Variants in RALA observed in about 807,000 individuals in gnomAD.
RALA encodes RAS like proto-oncogene A.
RALA carries 5 observed loss-of-function variants against 24.0 expected under a neutral mutation model. The observed-to-expected ratio is 0.21, with a 90% CI of 0.11 to 0.44. The LOEUF (loss-of-function observed/expected upper bound fraction) is 0.44. Ranked by LOEUF, RALA falls within the 20% of genes least tolerant of loss-of-function variation. The probability of loss-of-function intolerance (pLI) is 0.99; values close to 1 mark genes in which losing one functional copy is unlikely to be tolerated. For missense variants in RALA, 95 were observed against 241.2 expected (o/e 0.39, Z 4.01); for synonymous variants, 77 against 83.8 (o/e 0.92, Z 0.44).
intron 1 of RALA, among the ~76,000 whole-genome samples, chr7:39,675,104 G>T (rs1792456315): frequency 1.3e-5 from 2 of 152,144 alleles, no homozygotes; most frequent in African/African-American, 4.8e-5. Flanking sequence ...GGGATTACAG[G>T]CGTGAGCCAG....
At chr7:39,643,937 G>A (rs1387358866) in intron 1 of RALA, among the ~76,000 whole-genome samples, 1 of 152,136 alleles carries the variant, frequency 6.6e-6, no homozygotes, top group Non-Finnish European at 1.5e-5. Flanking sequence ...CCACATTACA[G>A]GGCTATTGAA....
At chr7:39,647,103 C>T (rs1791938949) in intron 1 of RALA, among the ~76,000 whole-genome samples, 1 of 152,150 alleles carries the variant, frequency 6.6e-6, no homozygotes. Flanking sequence ...AGTGCAGTGG[C>T]ACAGTCATGG....
rs114626267 is a variant in RALA at position 39,648,997 on chromosome 7, C to T, written c.-38+25172C>T. On this transcript the variant is annotated intron_variant, in intron 1 of 4. Coordinates refer to ENST00000005257, the MANE Select transcript of RALA (RefSeq NM_005402.4). ...ATCGCTTGAGCCCAGGAGATCAAGG[C>T]TGTGCTGAGCTGTGATCATGCCGTT... 4.5e-3 allele frequency among the ~76,000 whole-genome samples: 681 copies of T among 152,212 alleles called. 5 individuals are homozygous for T. Among genetic ancestry groups the T allele is most frequent in the African/African-American group, 0.016 (645 of 41,538 alleles).
chr7:39,643,868 TAAAG>T (rs1252583292), intron 1 of RALA, among the ~76,000 whole-genome samples: 3 of 151,522 alleles, frequency 2.0e-5, no homozygotes, highest in Admixed American at 6.6e-5. Context: ...TCAAAAGAAA[TAAAG>T]AGAGAAAGAA....
At chr7:39,692,332 G>A (rs1357730941) in intron 3 of RALA, among the ~76,000 whole-genome samples, 2 of 151,988 alleles carry the variant, frequency 1.3e-5, no homozygotes, top group Non-Finnish European at 2.9e-5. Flanking sequence ...AGTATCCCCA[G>A]TACCTATATA....
intron 1 of RALA, among the ~76,000 whole-genome samples, chr7:39,657,411 A>C (rs993530137): frequency 1.3e-5 from 2 of 152,158 alleles, no homozygotes; most frequent in African/African-American, 4.8e-5. Context: ...CATTATGTTT[A>C]CTTTTAAAAA....
In RALA at chr7:39,706,221, C is replaced by T. The variant is rs1347716090; in HGVS notation, c.597C>T (p.Ile199=). 1.2e-6 allele frequency: 2 copies of T among 1,608,790 alleles called. No individual in the cohort carries two copies. Among genetic ancestry groups the T allele is most frequent in the South Asian group, 2.2e-5 (2 of 90,022 alleles). ...AGAGGAAAAGTTTAGCCAAGAGAAT[C>T]AGAGAAAGATGCTGCATTTTATAAT... ...KKKRKSLAKR[I]RERCCIL Residue 199 remains isoleucine (I), a synonymous_variant, in exon 5 of 5, where the codon ATC becomes ATT. Transcript: ENST00000005257.
At chr7:39,632,063 T>A (rs963239648) in intron 1 of RALA, among the ~76,000 whole-genome samples, 1 of 152,178 alleles carries the variant, frequency 6.6e-6, no homozygotes, top group Admixed American at 6.5e-5. Context: ...TGTGAACTAA[T>A]AGAGTAAGAA....
chr7:39,669,319 T>C (rs1273647715), intron 1 of RALA, among the ~76,000 whole-genome samples: 1 of 152,042 alleles, frequency 6.6e-6, no homozygotes, highest in Non-Finnish European at 1.5e-5. Context: ...CCTAGCATAG[T>C]ACCTGACTCA....
chr7:39,665,686 C>T (rs1449017016), intron 1 of RALA, among the ~76,000 whole-genome samples: 1 of 149,290 alleles, frequency 6.7e-6, no homozygotes, highest in Non-Finnish European at 1.5e-5. Context: ...CTATTTTATA[C>T]CACTGACCTT....
intron 1 of RALA, among the ~76,000 whole-genome samples, chr7:39,632,867 G>C (rs933178913): frequency 1.3e-5 from 2 of 152,132 alleles, no homozygotes; most frequent in Non-Finnish European, 2.9e-5. Flanking sequence ...GATGGATGTG[G>C]TAAGAAGCAG....
intron 1 of RALA, among the ~76,000 whole-genome samples, chr7:39,653,230 A>G (rs1253100828): frequency 6.6e-6 from 1 of 151,928 alleles, no homozygotes; most frequent in Non-Finnish European, 1.5e-5. Flanking sequence ...GGGTTTCACC[A>G]TGTTGGTCAG....
At chr7:39,698,197 T>A (rs1368290035) in intron 4 of RALA, among the ~76,000 whole-genome samples, 1 of 152,126 alleles carries the variant, frequency 6.6e-6, no homozygotes, top group Admixed American at 6.5e-5. Flanking sequence ...ATGACAACCC[T>A]ACCCTAGTGA....
intron 1 of RALA, among the ~76,000 whole-genome samples, chr7:39,663,665 A>T (rs976822349): frequency 2.6e-5 from 4 of 152,124 alleles, no homozygotes; most frequent in East Asian, 1.9e-4. Context: ...TGAAGCCTTC[A>T]CTGCAGCTAC....
intron 4 of RALA, chr7:39,697,650 C>T (rs1362307592): frequency 3.6e-6 from 1 of 276,140 alleles, no homozygotes; most frequent in Non-Finnish European, 7.4e-6. Context: ...TTGGGTCTTA[C>T]CCCTAGAGAT....
At chr7:39,675,756 AAAAAAC>A (rs1457803869) in intron 1 of RALA, among the ~76,000 whole-genome samples, 1 of 151,426 alleles carries the variant, frequency 6.6e-6, no homozygotes, top group African/African-American at 2.4e-5. Flanking sequence ...AAAAAAAAAA[AAAAAAC>A]TGTATATCTC....
chr7:39,658,895 A>G (rs1792138206), intron 1 of RALA, among the ~76,000 whole-genome samples: 1 of 151,912 alleles, frequency 6.6e-6, no homozygotes, highest in Non-Finnish European at 1.5e-5. Context: ...AGCAGACTGC[A>G]TACAGATGCA....
At chr7:39,645,037 A>G (rs1791901523) in intron 1 of RALA, among the ~76,000 whole-genome samples, 1 of 152,186 alleles carries the variant, frequency 6.6e-6, no homozygotes, top group Non-Finnish European at 1.5e-5. Flanking sequence ...ACAGTGATGG[A>G]TTAAGCCGGT....
intron 1 of RALA, among the ~76,000 whole-genome samples, chr7:39,673,010 A>G (rs1424447337): frequency 1.3e-5 from 2 of 152,268 alleles, no homozygotes; most frequent in East Asian, 3.9e-4. Flanking sequence ...ACATATGGCA[A>G]AACACTTTCT....
Sources: gnomAD v4.1 joint callset for allele counts (sites outside exome capture counted in the v4.1 genomes callset) on GRCh38, gnomAD v4.1.1 for gene constraint, MANE v1.5 for transcripts, NCBI Gene and HGNC (gene_info 2026-07-23, HGNC 2026-07-21) for gene names.